The following DDX4 variants were observed in gnomAD, a reference collection of about 807,000 sequenced individuals.
DDX4 encodes the protein DEAD-box helicase 4, also known as probable ATP-dependent RNA helicase DDX4.
In DDX4, 25 loss-of-function variants were observed where a neutral mutation model predicts 100.0. The ratio of observed to expected loss-of-function variants is 0.25; its 90% CI spans 0.18 to 0.35. DDX4 has a LOEUF of 0.35. DDX4 is among the 10% of genes least tolerant of loss of function. DDX4 has a pLI of 1.00. For synonymous variants in DDX4, 259 were observed against 275.7 expected (o/e 0.94, Z 0.60); for missense variants, 635 against 882.4 (o/e 0.72, Z 3.55).
chr5:55,767,955 T>C lies in DDX4; in HGVS notation c.394+15T>C, dbSNP rs1184067283. Reference sequence around the variant, plus strand: ...CAAGAGAGGCGGTAAGGACCACATTTTGGAACAATTTGTACTTAACACAGA... The same window carrying C: ...CAAGAGAGGCGGTAAGGACCACATTCTGGAACAATTTGTACTTAACACAGA... On this transcript the variant is annotated intron_variant, in intron 7 of 21. Transcript: ENST00000505374. 6.2e-7 allele frequency: 1 copy of C among 1,611,466 alleles called. No homozygotes were observed. Among genetic ancestry groups the C allele is most frequent in the Non-Finnish European group, 8.5e-7 (1 of 1,177,742 alleles).
intron 18 of DDX4, among the ~76,000 whole-genome samples, chr5:55,799,454 C>A (rs144607260): frequency 1.1e-3 from 164 of 152,282 alleles, no homozygotes; most frequent in African/African-American, 3.7e-3. Flanking sequence ...TGGCTCACTG[C>A]AGCCTCAAGC....
chr5:55,741,103 C>T (rs992333161), intron 2 of DDX4, among the ~76,000 whole-genome samples: 1 of 152,160 alleles, frequency 6.6e-6, no homozygotes, highest in African/African-American at 2.4e-5. Context: ...TAATAGCCAT[C>T]TGTCCAATTT....
At chr5:55,784,832 G>A (rs1430154490) in intron 10 of DDX4, among the ~76,000 whole-genome samples, 1 of 152,224 alleles carries the variant, frequency 6.6e-6, no homozygotes, top group Non-Finnish European at 1.5e-5. Flanking sequence ...TGTGACTGCA[G>A]TAGAAGACAC....
chr5:55,761,662 C>T (rs1740557947), intron 4 of DDX4, among the ~76,000 whole-genome samples: 1 of 151,726 alleles, frequency 6.6e-6, no homozygotes, highest in African/African-American at 2.4e-5. Context: ...GGCTGGAGTA[C>T]AATGGCACAA....
chr5:55,793,066 T>G (rs879913701), intron 17 of DDX4, among the ~76,000 whole-genome samples: 8,149 of 142,972 alleles, frequency 0.057, 331 homozygotes, highest in East Asian at 0.18. Context: ...TTGTGTGTGT[T>G]GTTGTTGTTG....
At chr5:55,754,987 G>T (rs1214251548) in intron 3 of DDX4, among the ~76,000 whole-genome samples, 1 of 152,078 alleles carries the variant, frequency 6.6e-6, no homozygotes, top group Non-Finnish European at 1.5e-5. Context: ...TTCTCTGATG[G>T]TAGTAACCAT....
intron 7 of DDX4, among the ~76,000 whole-genome samples, chr5:55,777,761 A>G (rs77223467): frequency 0.069 from 10,445 of 152,212 alleles, 554 homozygotes; most frequent in African/African-American, 0.15. Flanking sequence ...GTAAAGAGAA[A>G]AAAGTGTTCA....
chr5:55,781,771 G>GAA (rs200213654), intron 9 of DDX4, among the ~76,000 whole-genome samples, 163 bp from the exon 10 acceptor site: 12 of 108,170 alleles, frequency 1.1e-4, no homozygotes, highest in South Asian at 2.9e-4. Flanking sequence ...AGTGAGACTT[G>GAA]AAAAAAAAAA....
Position 55,780,012 on chromosome 5 carries a change from G to A in DDX4, c.443G>A (p.Gly148Asp), listed in dbSNP as rs2306259. The A allele has an allele frequency of 1.2e-6, 2 of 1,614,036 alleles. No individual in the cohort carries two copies. The highest frequency in any genetic ancestry group is 4.5e-5 in the East Asian group (2 of 44,860). Residue 148 changes from glycine to aspartate, a missense_variant, in exon 8 of 22, where the codon GGT (glycine) becomes GAT (aspartate). Gly to Asp is a moderately conservative substitution (Grantham distance 94). Transcript: ENST00000505374. ...GAAGCTTCAGGGCCATACAGAAGAGGTGGAAGAGGTAGTTTCCGAGGTTGC... is the reference window on the plus strand; with the variant it reads ...GAAGCTTCAGGGCCATACAGAAGAGATGGAAGAGGTAGTTTCCGAGGTTGC... ...NSEASGPYRR[G>D]GRGSFRGCRG...
intron 13 of DDX4, among the ~76,000 whole-genome samples, chr5:55,786,311 G>A (rs112093921): frequency 2.0e-5 from 3 of 152,250 alleles, no homozygotes; most frequent in African/African-American, 7.2e-5. Flanking sequence ...GCCACCATTT[G>A]TGGAGAATAC....
chr5:55,741,884 A>G (rs1006666710), intron 2 of DDX4, among the ~76,000 whole-genome samples: 1 of 152,086 alleles, frequency 6.6e-6, no homozygotes, highest in Non-Finnish European at 1.5e-5. Flanking sequence ...TAAAGACACC[A>G]TTTTGATTTG....
At chr5:55,799,039 T>G (rs972653445) in intron 18 of DDX4, among the ~76,000 whole-genome samples, 6 of 152,194 alleles carry the variant, frequency 3.9e-5, no homozygotes, top group African/African-American at 1.4e-4. Context: ...TGGGAATTTT[T>G]TTTTCTCCTC....
At chr5:55,794,798 T>C (rs1161396045) in intron 17 of DDX4, among the ~76,000 whole-genome samples, 1 of 152,148 alleles carries the variant, frequency 6.6e-6, no homozygotes, top group East Asian at 1.9e-4. Context: ...CTTCATTTTA[T>C]CTGTTCTTAA....
chr5:55,779,874 T>C, intron 7 of DDX4, 90 bp from the exon 8 acceptor site: 3 of 1,497,872 alleles, frequency 2.0e-6, no homozygotes, highest in Non-Finnish European at 2.7e-6. Context: ...AGTTACTGAA[T>C]TATTCAAGGC....
At chr5:55,746,421 A>G (rs1257996572) in intron 3 of DDX4, among the ~76,000 whole-genome samples, 200 bp downstream of exon 3, 1 of 152,226 alleles carries the variant, frequency 6.6e-6, no homozygotes, top group Non-Finnish European at 1.5e-5. Context: ...AGACTGTATT[A>G]TTTGATTTAA....
chr5:55,811,425 A>G (rs1005006942), intron 18 of DDX4, among the ~76,000 whole-genome samples: 1 of 152,162 alleles, frequency 6.6e-6, no homozygotes, highest in Admixed American at 6.5e-5. Flanking sequence ...AGAATTATTT[A>G]TTTTAATATG....
At chr5:55,793,621 G>A (rs1396157787) in intron 17 of DDX4, among the ~76,000 whole-genome samples, 2 of 152,194 alleles carry the variant, frequency 1.3e-5, no homozygotes, top group Admixed American at 1.3e-4. Context: ...AAGAAGGGAT[G>A]GGAAGCATAG....
At chr5:55,787,147 T>G (rs976572848) in intron 14 of DDX4, among the ~76,000 whole-genome samples, 9 of 152,282 alleles carry the variant, frequency 5.9e-5, no homozygotes, top group African/African-American at 2.2e-4. Context: ...TCTGGGAGAT[T>G]TGTGTGTTAA....
At chr5:55,749,796 T>C (rs1174439547) in intron 3 of DDX4, among the ~76,000 whole-genome samples, 1 of 150,330 alleles carries the variant, frequency 6.7e-6, no homozygotes, top group Admixed American at 6.7e-5. Flanking sequence ...GCAATTCTTT[T>C]GTATGTGTGT....
Sources: allele counts gnomAD v4.1 joint callset (sites outside exome capture counted in the v4.1 genomes callset), GRCh38; gene constraint gnomAD v4.1.1; transcripts MANE v1.5; gene names NCBI Gene and HGNC (gene_info 2026-07-23, HGNC 2026-07-21).